The following ADAMTSL1 variants were observed in gnomAD, a reference collection of about 807,000 sequenced individuals.
The protein encoded by ADAMTSL1 is ADAMTS-like protein 1.
Under a neutral mutation model 201.8 loss-of-function variants are expected in ADAMTSL1, and 126 were observed. The ratio of observed to expected loss-of-function variants is 0.62; its 90% CI spans 0.54 to 0.72. The LOEUF (loss-of-function observed/expected upper bound fraction) is 0.72, where lower values mean the gene tolerates loss of function less well. Among genes scored for constraint, ADAMTSL1 ranks in the 30% least tolerant of loss-of-function variants. The pLI, the probability that ADAMTSL1 is intolerant of heterozygous loss-of-function variation, is 0.00. For synonymous variants in ADAMTSL1, 1,121 were observed against 903.4 expected, an observed-to-expected ratio of 1.24 and a Z score of -4.32; for missense variants, 2,679 against 2,277.8, an observed-to-expected ratio of 1.18 and a Z score of -3.59.
chr9:18,605,789 A>G (rs1277545887), intron 4 of ADAMTSL1, among the ~76,000 whole-genome samples: 1 of 152,198 alleles, frequency 6.6e-6, no homozygotes. Flanking sequence ...TGCTTTCTAA[A>G]TGTTTTTATT....
intron 1 of ADAMTSL1, among the ~76,000 whole-genome samples, chr9:18,032,038 C>T (rs1052280963): frequency 5.9e-5 from 9 of 152,184 alleles, no homozygotes; most frequent in African/African-American, 2.2e-4. Flanking sequence ...TAGTGTCTTC[C>T]CTAGGAGCAG....
At chr9:18,363,088 A>T (rs1563913678) in intron 2 of ADAMTSL1, among the ~76,000 whole-genome samples, 1 of 152,214 alleles carries the variant, frequency 6.6e-6, no homozygotes, top group African/African-American at 2.4e-5. Context: ...TTCACACCTA[A>T]AAGTGTTATG....
chr9:18,588,679 A>G (rs62548412), intron 4 of ADAMTSL1, among the ~76,000 whole-genome samples: 2,064 of 151,802 alleles, frequency 0.014, 44 homozygotes, highest in African/African-American at 0.04. Flanking sequence ...GCATATTGAT[A>G]TCCAGTTTTC....
intron 1 of ADAMTSL1, among the ~76,000 whole-genome samples, chr9:18,049,784 C>T (rs1260216073): frequency 6.6e-6 from 1 of 152,096 alleles, no homozygotes; most frequent in African/African-American, 2.4e-5. Context: ...CCACTGCGCC[C>T]AGCTAATTTT....
At chr9:18,737,554 C>T (rs1341842345) in intron 15 of ADAMTSL1, among the ~76,000 whole-genome samples, 1 of 152,094 alleles carries the variant, frequency 6.6e-6, no homozygotes, top group African/African-American at 2.4e-5. Context: ...ACTATTAGTC[C>T]TATCGATACC....
intron 2 of ADAMTSL1, among the ~76,000 whole-genome samples, chr9:18,385,286 C>T (rs1297268047): frequency 6.6e-6 from 1 of 152,044 alleles, no homozygotes; most frequent in Non-Finnish European, 1.5e-5. Context: ...GCTTTATGAT[C>T]CACCCAGATT....
chr9:18,291,924 G>C (rs1315667963), intron 2 of ADAMTSL1, among the ~76,000 whole-genome samples: 6 of 152,004 alleles, frequency 3.9e-5, no homozygotes, highest in Admixed American at 3.9e-4. Flanking sequence ...AGCCAATGTT[G>C]TTCATGCAAC....
intron 2 of ADAMTSL1, among the ~76,000 whole-genome samples, chr9:18,325,638 C>T (rs1001377440): frequency 6.6e-6 from 1 of 152,146 alleles, no homozygotes; most frequent in African/African-American, 2.4e-5. Flanking sequence ...AGGTGCTAGC[C>T]TCTGATCTGG....
At chr9:18,164,235 T>C (rs938469224) in intron 2 of ADAMTSL1, among the ~76,000 whole-genome samples, 16 of 151,932 alleles carry the variant, frequency 1.1e-4, no homozygotes, top group African/African-American at 3.6e-4. Context: ...ATGTGGAGGA[T>C]TCACATTAAG....
chr9:18,432,726 C>T (rs938220637), intron 2 of ADAMTSL1, among the ~76,000 whole-genome samples: 4 of 152,078 alleles, frequency 2.6e-5, no homozygotes, highest in South Asian at 4.1e-4. Flanking sequence ...TCATTAGTAC[C>T]GGCTCTGAAA....
At chr9:18,867,097 A>T (rs1049344315) in intron 23 of ADAMTSL1, among the ~76,000 whole-genome samples, 1 of 152,200 alleles carries the variant, frequency 6.6e-6, no homozygotes, top group African/African-American at 2.4e-5. Context: ...GAAACTATGT[A>T]CCTCAAGTTC....
intron 20 of ADAMTSL1, among the ~76,000 whole-genome samples, chr9:18,816,236 A>C (rs1823841089): frequency 6.6e-6 from 1 of 152,126 alleles, no homozygotes; most frequent in Non-Finnish European, 1.5e-5. Context: ...GAGATAATGC[A>C]GTATTTCTCT....
intron 5 of ADAMTSL1, among the ~76,000 whole-genome samples, chr9:18,635,667 G>A (rs557950039): frequency 1.6e-4 from 24 of 152,116 alleles, no homozygotes; most frequent in South Asian, 1.0e-3. Flanking sequence ...TTTTAAAATC[G>A]AAAATGAAAA....
intron 1 of ADAMTSL1, among the ~76,000 whole-genome samples, chr9:17,955,100 G>A (rs552656259): frequency 3.3e-5 from 5 of 152,236 alleles, no homozygotes; most frequent in African/African-American, 9.6e-5. Context: ...GTGTGTATAC[G>A]ATATATCGTG....
intron 2 of ADAMTSL1, among the ~76,000 whole-genome samples, chr9:18,270,219 A>G (rs1256684574): frequency 6.6e-6 from 1 of 152,010 alleles, no homozygotes; most frequent in Non-Finnish European, 1.5e-5. Flanking sequence ...TGTCTTCACA[A>G]GGTAGAAGGG....
intron 2 of ADAMTSL1, among the ~76,000 whole-genome samples, chr9:18,432,924 A>G (rs1236716613): frequency 1.3e-5 from 2 of 152,142 alleles, no homozygotes; most frequent in African/African-American, 2.4e-5. Flanking sequence ...AGCTTTTGAA[A>G]CTTTGACTAC....
intron 2 of ADAMTSL1, among the ~76,000 whole-genome samples, chr9:18,314,773 G>A (rs187207446): frequency 1.2e-3 from 173 of 143,632 alleles, no homozygotes; most frequent in African/African-American, 3.7e-3. Flanking sequence ...TGCTGCCTTC[G>A]GCAGCGTGCT....
At chr9:18,099,102 GTT>G (rs200227567) in intron 1 of ADAMTSL1, among the ~76,000 whole-genome samples, 1 of 142,610 alleles carries the variant, frequency 7.0e-6, no homozygotes. Context: ...TTGACAGCAG[GTT>G]TTTTTTTTTT....
intron 1 of ADAMTSL1, among the ~76,000 whole-genome samples, chr9:18,146,684 G>C (rs1826660368): frequency 6.6e-6 from 1 of 152,118 alleles, no homozygotes; most frequent in Admixed American, 6.6e-5. Flanking sequence ...TATCTGCAAG[G>C]CATATGCTCA....
Sources: allele counts gnomAD v4.1 joint callset (sites outside exome capture counted in the v4.1 genomes callset), GRCh38; gene constraint gnomAD v4.1.1; transcripts MANE v1.5; gene names NCBI Gene and HGNC (gene_info 2026-07-23, HGNC 2026-07-21).